ZNF81: variants seen among roughly 807,000 people sequenced by gnomAD.
The protein encoded by ZNF81 is zinc finger protein 81.
A neutral mutation model predicts 32.3 loss-of-function variants in ZNF81; 5 were observed. That is an observed-to-expected ratio of 0.15 (90% CI 0.08 to 0.33). ZNF81 has a LOEUF of 0.33. Among genes scored for constraint, ZNF81 ranks in the 10% least tolerant of loss-of-function variants. The probability of loss-of-function intolerance (pLI) is 1.00; values close to 1 mark genes in which losing one functional copy is unlikely to be tolerated. For synonymous variants in ZNF81, 163 were observed against 166.8 expected (o/e 0.98, Z 0.17); for missense variants, 379 against 479.8 (o/e 0.79, Z 1.96).
At chrX:47,913,963 A>G (rs781964916) in intron 4 of ZNF81, among the ~76,000 whole-genome samples, 2 of 111,653 alleles carry the variant, frequency 1.8e-5, no homozygotes, top group African/African-American at 3.3e-5. Context: ...GTTATATTTA[A>G]TATTTAGGCA....
chrX:47,854,502 A>G (rs1402870874), intron 2 of ZNF81, among the ~76,000 whole-genome samples: 4 of 112,181 alleles, frequency 3.6e-5, no homozygotes, highest in Non-Finnish European at 7.5e-5. Context: ...GCCTTCCTCA[A>G]TAAGCTCAAT....
chrX:47,914,905 T>A lies in ZNF81; in HGVS notation c.278-19T>A. 8.3e-7 allele frequency: 1 copy of A among 1,203,873 alleles called. No homozygotes were observed. The highest frequency in any genetic ancestry group is 1.1e-6 in the Non-Finnish European group (1 of 890,734). ...GGTCTATTGTTTGTGTCAATTTTAC[T>A]TTTTCTTTCTCTTTTTAGATGGGAA... is the stretch of plus-strand genomic sequence containing the variant. On this transcript the variant is annotated intron_variant, in intron 4 of 4. Coordinates refer to ENST00000338637, the MANE Select transcript of ZNF81 (RefSeq NM_007137.5).
At chrX:47,871,826 C>T (rs58924752) in intron 2 of ZNF81, among the ~76,000 whole-genome samples, 1,577 of 111,879 alleles carry the variant, frequency 0.014, 33 homozygotes, top group African/African-American at 0.049. Context: ...TGCTGCTGCT[C>T]GGGGGCATCC....
intron 1 of ZNF81, among the ~76,000 whole-genome samples, chrX:47,842,033 T>G (rs1184431177): frequency 1.8e-5 from 2 of 112,199 alleles, no homozygotes; most frequent in Non-Finnish European, 3.8e-5. Flanking sequence ...TTTTCATTCA[T>G]CACATTTTAA....
intron 2 of ZNF81, among the ~76,000 whole-genome samples, chrX:47,856,622 T>C (rs1556881921): frequency 8.9e-6 from 1 of 112,047 alleles, no homozygotes; most frequent in Non-Finnish European, 1.9e-5. Context: ...AGGTCCAGCA[T>C]TATTTTATAA....
At chrX:47,847,201 A>C (rs1441466221) in intron 2 of ZNF81, among the ~76,000 whole-genome samples, 1 of 111,356 alleles carries the variant, frequency 9.0e-6, no homozygotes, top group East Asian at 2.8e-4. Context: ...CTTCACAACA[A>C]CCTCATGAAG....
chrX:47,921,818 A>G lies in ZNF81; in HGVS notation c.*5186A>G. The G allele has an allele frequency of 9.0e-6, 1 of 111,490 alleles. No homozygotes were observed. The highest frequency in any genetic ancestry group is 1.9e-5 in the Non-Finnish European group (1 of 53,092). 9.2% of individuals were successfully genotyped at this position (111,490 alleles called of 1,213,427 possible). On this transcript the variant is annotated 3_prime_UTR_variant, in exon 5 of 5. Coordinates refer to ENST00000338637, the MANE Select transcript of ZNF81 (RefSeq NM_007137.5). ...CCAGTTTAGCCTTTAGATGAGGACCACAGCCAAATAGCTTGACTGTAAGCC... is the reference window on the plus strand; with the variant it reads ...CCAGTTTAGCCTTTAGATGAGGACCGCAGCCAAATAGCTTGACTGTAAGCC...
intron 2 of ZNF81, among the ~76,000 whole-genome samples, chrX:47,873,653 A>AGTTT (rs1171049225): frequency 2.7e-5 from 3 of 110,752 alleles, no homozygotes; most frequent in Non-Finnish European, 5.7e-5. Context: ...AACGCAGTGG[A>AGTTT]GTTTGTTTGT....
At chrX:47,886,732 G>A (rs954335228) in intron 2 of ZNF81, among the ~76,000 whole-genome samples, 15 of 108,983 alleles carry the variant, frequency 1.4e-4, no homozygotes, top group South Asian at 4.0e-4. Context: ...CCAAGTAGCC[G>A]GGACCACAGG....
In ZNF81 at chrX:47,836,938, G is replaced by A. The variant is rs1016881047; in HGVS notation, c.-213G>A. ...CGGTTCTCGCCGGTTCTCAGCCGGG[G>A]TTTGATAGTTGTCAGGAGGATTCGA... On this transcript the variant is annotated 5_prime_UTR_variant, in exon 1 of 5. Coordinates refer to ENST00000338637, the MANE Select transcript of ZNF81 (RefSeq NM_007137.5). The A allele has an allele frequency of 6.1e-5, 14 of 228,459 alleles. No homozygotes were observed. The highest frequency in any genetic ancestry group is 1.6e-3 in the Middle Eastern group (1 of 613). The allele number at this position is 228,459 out of a possible 1,213,427, so 18.8% of individuals were successfully genotyped here. A position where few individuals can be genotyped will look rare whatever the true frequency, so the allele number is the denominator to read the frequency against.
At chrX:47,878,361 G>A (rs898266621) in intron 2 of ZNF81, among the ~76,000 whole-genome samples, 1 of 112,265 alleles carries the variant, frequency 8.9e-6, no homozygotes, top group Non-Finnish European at 1.9e-5. Context: ...GAGATGGTGC[G>A]GCGCCATGCC....
intron 3 of ZNF81, among the ~76,000 whole-genome samples, chrX:47,893,160 C>T (rs1556886686): frequency 1.8e-5 from 2 of 110,880 alleles, no homozygotes. Flanking sequence ...GTTCAAGTGA[C>T]TGTAGGGAGT....
At chrX:47,904,602 T>A (rs2058713139) in intron 4 of ZNF81, among the ~76,000 whole-genome samples, 2 of 111,508 alleles carry the variant, frequency 1.8e-5, no homozygotes, top group African/African-American at 6.5e-5. Flanking sequence ...GGAACATTTT[T>A]ACACTGTTGG....
chrX:47,841,653 A>G lies in ZNF81; in HGVS notation c.-163-4452A>G, dbSNP rs370389360. On this transcript the variant is annotated intron_variant, in intron 1 of 4. Coordinates refer to ENST00000338637, the MANE Select transcript of ZNF81 (RefSeq NM_007137.5). ...GCTTGATAAACCTTCCTCTTTTTTC[A>G]GGAGATTTTCTGGAACCAAAGGGAT... The G allele has an allele frequency of 3.3e-4, 345 of 1,060,622 alleles. 5 individuals are homozygous for G. In the East Asian group the frequency reaches 8.6e-3, roughly 26 times the overall value. 87.4% of individuals were successfully genotyped at this position (1,060,622 alleles called of 1,213,427 possible). A position where few individuals can be genotyped will look rare whatever the true frequency, so the allele number is the denominator to read the frequency against.
rs782375246 is a variant in ZNF81, at chrX:47,917,129, A to AT, written c.*505dup. 40 of 286,132 alleles carry AT rather than the reference A, an allele frequency of 1.4e-4. No homozygotes were observed. Among genetic ancestry groups the AT allele is most frequent in the Middle Eastern group, 9.3e-4 (1 of 1,080 alleles). The allele number at this position is 286,132 out of a possible 1,213,427, so 23.6% of individuals were successfully genotyped here. A position where few individuals can be genotyped will look rare whatever the true frequency, so the allele number is the denominator to read the frequency against. On this transcript the variant is annotated 3_prime_UTR_variant, in exon 5 of 5. Coordinates refer to ENST00000338637, the MANE Select transcript of ZNF81 (RefSeq NM_007137.5). ...CAGTGCAGAACAGGAGGAATATTACATTTTTTTTCAAATTTAGAATAATTA... is the reference window on the plus strand; with the variant it reads ...CAGTGCAGAACAGGAGGAATATTACATTTTTTTTTCAAATTTAGAATAATTA...
intron 2 of ZNF81, among the ~76,000 whole-genome samples, chrX:47,871,709 T>C (rs2058581148): frequency 8.9e-6 from 1 of 111,765 alleles, no homozygotes; most frequent in Non-Finnish European, 1.9e-5. Context: ...CGATAAATGC[T>C]GGGTCTTATG....
intron 2 of ZNF81, among the ~76,000 whole-genome samples, chrX:47,861,575 T>C (rs955880349): frequency 3.6e-5 from 4 of 111,704 alleles, no homozygotes; most frequent in African/African-American, 1.3e-4. Flanking sequence ...TAATTAAGGG[T>C]TGATCAGCAG....
chrX:47,871,383 T>C (rs1556883888), intron 2 of ZNF81, among the ~76,000 whole-genome samples: 2 of 111,790 alleles, frequency 1.8e-5, no homozygotes, highest in African/African-American at 6.5e-5. Context: ...CTTGTCTGCT[T>C]GTGCTGATTT....
chrX:47,893,363 A>G (rs1400980288), intron 3 of ZNF81, among the ~76,000 whole-genome samples: 1 of 111,085 alleles, frequency 9.0e-6, no homozygotes, highest in African/African-American at 3.3e-5. Context: ...GGGGAGATGT[A>G]AAGTTTCCCA....
Sources: allele counts gnomAD v4.1 joint callset (sites outside exome capture counted in the v4.1 genomes callset), GRCh38; gene constraint gnomAD v4.1.1; transcripts MANE v1.5; gene names NCBI Gene and HGNC (gene_info 2026-07-23, HGNC 2026-07-21).